Variants in ASIC2 observed in about 807,000 individuals in gnomAD.
ASIC2 encodes acid-sensing ion channel 2.
In ASIC2, 25 loss-of-function variants were observed where a neutral mutation model predicts 57.3. The ratio of observed to expected loss-of-function variants is 0.44; its 90% CI spans 0.32 to 0.61. The LOEUF is 0.61. ASIC2 is among the 20% of genes least tolerant of loss of function. ASIC2 has a pLI of 0.06. For missense variants in ASIC2, 641 were observed against 738.1 expected, an observed-to-expected ratio of 0.87 and a Z score of 1.52; for synonymous variants, 319 against 307.5, an observed-to-expected ratio of 1.04 and a Z score of -0.39.
At chr17:33,476,533 A>G (rs868424822) in intron 1 of ASIC2, among the ~76,000 whole-genome samples, 2 of 95,546 alleles carry the variant, frequency 2.1e-5, no homozygotes, top group African/African-American at 8.6e-5. Context: ...ATATATATAT[A>G]TATGTACAGG....
intron 1 of ASIC2, among the ~76,000 whole-genome samples, chr17:33,378,741 A>G (rs1249866726): frequency 6.6e-6 from 1 of 152,238 alleles, no homozygotes; most frequent in African/African-American, 2.4e-5. Flanking sequence ...TCTTCATATC[A>G]GTGGATGTTT....
intron 1 of ASIC2, among the ~76,000 whole-genome samples, chr17:33,621,315 T>G (rs1321905846): frequency 6.6e-6 from 1 of 152,256 alleles, no homozygotes; most frequent in Non-Finnish European, 1.5e-5. Context: ...CAATACCATT[T>G]GGCATGTAGT....
At chr17:33,454,303 C>T (rs145146520) in intron 1 of ASIC2, among the ~76,000 whole-genome samples, 40 of 152,256 alleles carry the variant, frequency 2.6e-4, no homozygotes, top group African/African-American at 9.1e-4. Context: ...GTACAGTGGA[C>T]GGTGGTCTAT....
chr17:33,306,691 T>C, intron 1 of ASIC2, among the ~76,000 whole-genome samples: 1 of 152,168 alleles, frequency 6.6e-6, no homozygotes, highest in East Asian at 1.9e-4. Flanking sequence ...TACTCTGTTA[T>C]TATAGCTCTT....
At chr17:33,022,030 G>A (rs1440547119) in intron 6 of ASIC2, among the ~76,000 whole-genome samples, 1 of 152,146 alleles carries the variant, frequency 6.6e-6, no homozygotes, top group East Asian at 1.9e-4. Context: ...AGTGCCCCTT[G>A]TTCTCAACCC....
intron 1 of ASIC2, 39 bp downstream of exon 1, chr17:33,291,369 G>A (rs1311485270): frequency 6.4e-7 from 1 of 1,559,208 alleles, no homozygotes; most frequent in Non-Finnish European, 8.7e-7. Flanking sequence ...CCGGGGAGTG[G>A]GGCGCAGAGG....
chr17:33,584,130 C>T (rs1904535904), intron 1 of ASIC2, among the ~76,000 whole-genome samples: 2 of 152,148 alleles, frequency 1.3e-5, no homozygotes, highest in African/African-American at 4.8e-5. Flanking sequence ...AATACTCTGG[C>T]CTCTAGGTCA....
chr17:33,089,690 T>A (rs1358019885), intron 2 of ASIC2, among the ~76,000 whole-genome samples: 1 of 152,236 alleles, frequency 6.6e-6, no homozygotes. Context: ...GGTCATGAAC[T>A]GAAGGTGGGG....
intron 1 of ASIC2, 139 bp from the exon 2 acceptor site, chr17:33,112,206 T>A (rs1386141189): frequency 3.5e-6 from 4 of 1,138,880 alleles, no homozygotes; most frequent in Non-Finnish European, 1.2e-6. Context: ...CAGGAACCAG[T>A]GGTTTTTCAT....
intron 1 of ASIC2, among the ~76,000 whole-genome samples, chr17:34,138,708 C>G (rs1912190013): frequency 6.6e-6 from 1 of 152,062 alleles, no homozygotes; most frequent in Non-Finnish European, 1.5e-5. Flanking sequence ...TCACGGGATC[C>G]AGAGGAGTCT....
chr17:33,076,262 G>A (rs1321606762), intron 3 of ASIC2, among the ~76,000 whole-genome samples: 3 of 152,248 alleles, frequency 2.0e-5, no homozygotes, highest in Non-Finnish European at 4.4e-5. Flanking sequence ...AGGAGCAGAA[G>A]TAGGGTCTGA....
At chr17:34,122,644 A>G (rs1911659564) in intron 1 of ASIC2, among the ~76,000 whole-genome samples, 1 of 152,260 alleles carries the variant, frequency 6.6e-6, no homozygotes, top group Non-Finnish European at 1.5e-5. Flanking sequence ...AGAGCAGAGC[A>G]TAAAACCATA....
intron 1 of ASIC2, among the ~76,000 whole-genome samples, chr17:33,665,335 A>G (rs1188492542): frequency 2.0e-5 from 3 of 152,198 alleles, no homozygotes; most frequent in African/African-American, 4.8e-5. Flanking sequence ...TCGAATTCCA[A>G]TTCTGTAGAC....
At chr17:33,942,004 A>G (rs1367140689) in intron 1 of ASIC2, among the ~76,000 whole-genome samples, 1 of 152,200 alleles carries the variant, frequency 6.6e-6, no homozygotes, top group Non-Finnish European at 1.5e-5. Flanking sequence ...GCTAGAATAT[A>G]CGTGTACCGG....
rs375418386 is a variant in ASIC2, at chr17:34,088,090, C to T, written c.555+67888G>A. Among the ~76,000 whole-genome samples, 35 of 152,256 alleles carry T rather than the reference C, an allele frequency of 2.3e-4. 1 individual carries two copies. Among genetic ancestry groups the T allele is most frequent in the Middle Eastern group, 3.4e-3 (1 of 294 alleles). ...TTGTTCCATTGCTGGTGAGGAACTGCGTTCCTTTGGAGGAGGAGAGGCGCT... is the reference window on the plus strand; with the variant it reads ...TTGTTCCATTGCTGGTGAGGAACTGTGTTCCTTTGGAGGAGGAGAGGCGCT... On this transcript the variant is annotated intron_variant, in intron 1 of 9. Coordinates refer to the ASIC2 transcript ENST00000359872.
intron 1 of ASIC2, among the ~76,000 whole-genome samples, chr17:33,849,548 A>G (rs1913707093): frequency 6.6e-6 from 1 of 152,088 alleles, no homozygotes; most frequent in Non-Finnish European, 1.5e-5. Flanking sequence ...AGAGTCAGGG[A>G]TGGCTGGGGG....
chr17:33,917,466 T>C (rs539118851), intron 1 of ASIC2, among the ~76,000 whole-genome samples: 1 of 152,264 alleles, frequency 6.6e-6, no homozygotes, highest in African/African-American at 2.4e-5. Context: ...AGTTTCCAGG[T>C]CCATCATCTT....
chr17:33,120,009 T>C (rs1186282519), intron 1 of ASIC2, among the ~76,000 whole-genome samples: 1 of 152,192 alleles, frequency 6.6e-6, no homozygotes, highest in Non-Finnish European at 1.5e-5. Context: ...CTCTTGGAAG[T>C]AGATGTTATT....
At chr17:33,095,562 T>C (rs2092175466) in intron 2 of ASIC2, among the ~76,000 whole-genome samples, 1 of 152,156 alleles carries the variant, frequency 6.6e-6, no homozygotes, top group Non-Finnish European at 1.5e-5. Flanking sequence ...GCCACCGAGG[T>C]GCTGAAAGGC....
Sources: allele counts gnomAD v4.1 joint callset (sites outside exome capture counted in the v4.1 genomes callset), GRCh38; gene constraint gnomAD v4.1.1; transcripts MANE v1.5; gene names NCBI Gene and HGNC (gene_info 2026-07-23, HGNC 2026-07-21).